Variants in FAM174A observed in about 807,000 individuals in gnomAD.
FAM174A encodes membrane protein FAM174A.
FAM174A carries 14 observed loss-of-function variants against 14.3 expected under a neutral mutation model. The ratio of observed to expected loss-of-function variants is 0.98; its 90% CI spans 0.65 to 1.53. The LOEUF (loss-of-function observed/expected upper bound fraction) is 1.53, where lower values mean the gene tolerates loss of function less well. FAM174A is among the 40% of genes most tolerant of loss of function. FAM174A has a pLI of 0.00. For missense variants in FAM174A, 241 were observed against 249.6 expected (o/e 0.97, Z 0.23); for synonymous variants, 108 against 111.4 (o/e 0.97, Z 0.19).
At chr5:100,550,838 T>C (rs969547619) in intron 1 of FAM174A, among the ~76,000 whole-genome samples, 16 of 152,128 alleles carry the variant, frequency 1.1e-4, no homozygotes, top group Non-Finnish European at 1.9e-4. Context: ...GTGAGGCCAA[T>C]GGCAGAGAAA....
At chr5:100,546,665 A>G (rs1174966253) in intron 1 of FAM174A, among the ~76,000 whole-genome samples, 1 of 152,236 alleles carries the variant, frequency 6.6e-6, no homozygotes, top group Non-Finnish European at 1.5e-5. Flanking sequence ...TACTTTTGCC[A>G]TTAGCTTGAG....
intron 2 of FAM174A, among the ~76,000 whole-genome samples, chr5:100,571,206 T>C (rs1746772423): frequency 6.6e-6 from 1 of 151,768 alleles, no homozygotes; most frequent in African/African-American, 2.4e-5. Context: ...CATGTTTTGA[T>C]ATTAGGGTTT....
chr5:100,579,672 C>G (rs910835033), intron 2 of FAM174A, among the ~76,000 whole-genome samples: 1 of 152,094 alleles, frequency 6.6e-6, no homozygotes, highest in Admixed American at 6.5e-5. Flanking sequence ...GTAATCTACC[C>G]ACCTCAGTCA....
chr5:100,553,701 G>T (rs1381175597), intron 1 of FAM174A, among the ~76,000 whole-genome samples: 1 of 151,934 alleles, frequency 6.6e-6, no homozygotes, highest in Non-Finnish European at 1.5e-5. Context: ...AAAGAGTTTG[G>T]ATTCATTTTT....
chr5:100,535,451 C>T lies in FAM174A; in HGVS notation c.-80C>T. 6.6e-7 allele frequency: 1 copy of T among 1,506,530 alleles called. No homozygotes were observed. Among genetic ancestry groups the T allele is most frequent in the East Asian group, 2.3e-5 (1 of 44,300 alleles). The allele number at this position is 1,506,530 out of a possible 1,614,324, so 93.3% of individuals were successfully genotyped here. On this transcript the variant is annotated 5_prime_UTR_variant, in exon 1 of 3. Coordinates refer to ENST00000312637, the MANE Select transcript of FAM174A (RefSeq NM_198507.3). ...CGTTTGGTCACCTCTGCTTCATTCT[C>T]CACCGCGCCTATGGTCCCTCTTGGA...
intron 2 of FAM174A, among the ~76,000 whole-genome samples, chr5:100,566,571 G>A (rs1746656335): frequency 6.6e-6 from 1 of 151,758 alleles, no homozygotes; most frequent in African/African-American, 2.4e-5. Context: ...AGTTTGCTAG[G>A]AGGGTAGATG....
At chr5:100,571,659 T>TTC (rs1746780924) in intron 2 of FAM174A, among the ~76,000 whole-genome samples, 1 of 124,796 alleles carries the variant, frequency 8.0e-6, no homozygotes, top group South Asian at 2.3e-4. Context: ...AGTATATACC[T>TTC]AAGTGTGTGT....
At chr5:100,539,325 A>G (rs1746006464) in intron 1 of FAM174A, among the ~76,000 whole-genome samples, 1 of 152,172 alleles carries the variant, frequency 6.6e-6, no homozygotes, top group Admixed American at 6.5e-5. Context: ...ATAATCACAT[A>G]GATAAGTACA....
chr5:100,581,857 G>A (rs1287739697), intron 2 of FAM174A, among the ~76,000 whole-genome samples: 1 of 152,064 alleles, frequency 6.6e-6, no homozygotes, highest in East Asian at 1.9e-4. Flanking sequence ...GGAAATGTTG[G>A]GCACAATGTA....
chr5:100,581,284 C>T, intron 2 of FAM174A: 1 of 722,872 alleles, frequency 1.4e-6, no homozygotes, highest in Non-Finnish European at 1.7e-6. Context: ...TATATCACCT[C>T]TCCAGAGAGT....
At chr5:100,560,713 A>G (rs1183193634) in intron 1 of FAM174A, among the ~76,000 whole-genome samples, 1 of 152,036 alleles carries the variant, frequency 6.6e-6, no homozygotes, top group Non-Finnish European at 1.5e-5. Context: ...TTTACAGTTG[A>G]TGTTATAGCC....
At chr5:100,578,465 A>G (rs1037039351) in intron 2 of FAM174A, among the ~76,000 whole-genome samples, 1 of 152,148 alleles carries the variant, frequency 6.6e-6, no homozygotes, top group Non-Finnish European at 1.5e-5. Flanking sequence ...ATTGAAAGCT[A>G]TTTATTTTAT....
At chr5:100,563,422 A>C (rs1746570775) in intron 2 of FAM174A, among the ~76,000 whole-genome samples, 1 of 151,774 alleles carries the variant, frequency 6.6e-6, no homozygotes, top group Admixed American at 6.6e-5. Flanking sequence ...AGATCATTAC[A>C]TAGTAAAGGA....
At chr5:100,538,953 A>G (rs1409892853) in intron 1 of FAM174A, among the ~76,000 whole-genome samples, 1 of 152,172 alleles carries the variant, frequency 6.6e-6, no homozygotes, top group Non-Finnish European at 1.5e-5. Flanking sequence ...GTCATAGCTG[A>G]ATAATGATTC....
At chr5:100,540,553 A>G (rs187223648) in intron 1 of FAM174A, among the ~76,000 whole-genome samples, 75 of 152,338 alleles carry the variant, frequency 4.9e-4, no homozygotes, top group African/African-American at 1.7e-3. Context: ...GTATTTAACA[A>G]GTACTAGTTC....
At chr5:100,576,348 C>G (rs1027592945) in intron 2 of FAM174A, among the ~76,000 whole-genome samples, 1 of 152,036 alleles carries the variant, frequency 6.6e-6, no homozygotes, top group Non-Finnish European at 1.5e-5. Flanking sequence ...CTTGGTTCCG[C>G]TCATTGTCCT....
chr5:100,570,654 A>T, intron 2 of FAM174A, among the ~76,000 whole-genome samples: 1 of 151,974 alleles, frequency 6.6e-6, no homozygotes, highest in East Asian at 1.9e-4. Flanking sequence ...TACATGACAA[A>T]GATGGCCAAA....
intron 1 of FAM174A, among the ~76,000 whole-genome samples, chr5:100,547,795 TAA>T (rs1329396336): frequency 6.6e-6 from 1 of 152,054 alleles, no homozygotes; most frequent in African/African-American, 2.4e-5. Context: ...CTATAAATAA[TAA>T]AATATCCAAT....
intron 1 of FAM174A, among the ~76,000 whole-genome samples, chr5:100,552,688 G>A (rs1050015033): frequency 1.3e-5 from 2 of 151,992 alleles, no homozygotes; most frequent in African/African-American, 4.8e-5. Context: ...TACTTTAGTG[G>A]TTTAGTTTTA....
Sources: gnomAD v4.1 joint callset for allele counts (sites outside exome capture counted in the v4.1 genomes callset) on GRCh38, gnomAD v4.1.1 for gene constraint, MANE v1.5 for transcripts, NCBI Gene and HGNC (gene_info 2026-07-23, HGNC 2026-07-21) for gene names.